Variants in WDR25 observed in about 807,000 individuals in gnomAD.
WDR25 encodes the protein WD repeat domain 25, also known as WD repeat-containing protein 25.
WDR25 carries 35 observed loss-of-function variants against 47.7 expected under a neutral mutation model. That is an observed-to-expected ratio of 0.73 (90% CI 0.56 to 0.97). The LOEUF is 0.97. WDR25 is among the 50% of genes least tolerant of loss of function. WDR25 has a pLI of 0.00. For synonymous variants in WDR25, 248 were observed against 278.9 expected (o/e 0.89, Z 1.10); for missense variants, 634 against 704.7 (o/e 0.90, Z 1.14).
At position 100,382,460 on chromosome 14, in the gene WDR25, CTGG is replaced by C. The variant is rs545826624; in HGVS notation, c.822+715_822+717del. 2.0e-5 allele frequency among the ~76,000 whole-genome samples: 3 copies of C among 152,268 alleles called. No homozygotes were observed. In the South Asian group the frequency reaches 6.2e-4, roughly 32 times the overall value. The stretch of plus-strand genomic sequence containing the variant: ...GCATGTGTGGGTGAGGGACTTGAGG[CTGG>C]GGAAGCAAGGTCAGGGAAGGTTGCA... On this transcript the variant is annotated intron_variant, in intron 2 of 6. Coordinates refer to ENST00000402312, the MANE Select transcript of WDR25 (RefSeq NM_001161476.3).
At chr14:100,485,901 C>T (rs376890386) in intron 4 of WDR25, among the ~76,000 whole-genome samples, 2 of 152,164 alleles carry the variant, frequency 1.3e-5, no homozygotes, top group East Asian at 3.9e-4. Flanking sequence ...TACATGAGAT[C>T]TTGCTTAAAG....
rs1898304637 is a variant in WDR25, at chr14:100,430,665, G to A, written c.823-37356G>A. ...ACACTGAGGCACAGTGGGAACCAGC[G>A]GCTGTTATAGGTGACCCAGTGAGGG... On this transcript the variant is annotated intron_variant, in intron 2 of 6. Transcript: ENST00000402312. The surrounding 1 kb of genome is among the most constrained non-coding windows in gnomAD (Gnocchi z 4.7). Among the ~76,000 whole-genome samples the A allele has an allele frequency of 2.6e-5, 4 of 152,210 alleles. No homozygotes were observed. The highest frequency in any genetic ancestry group is 4.1e-4 in the South Asian group (2 of 4,826).
chr14:100,404,378 A>G lies in WDR25; in HGVS notation c.822+22632A>G, dbSNP rs1281066692. ...ACCTGGGTTCTCATTTTCCTGTAGA[A>G]TCAGTGTTATTCATGGCAGTGAGGG... On this transcript the variant is annotated intron_variant, in intron 2 of 6. Transcript: ENST00000402312. The surrounding 1 kb of genome is among the most constrained non-coding windows in gnomAD (Gnocchi z 4.6). Among the ~76,000 whole-genome samples, 6 of 152,198 alleles carry G rather than the reference A, an allele frequency of 3.9e-5. No homozygotes were observed. The highest frequency in any genetic ancestry group is 2.6e-4 in the Admixed American group (4 of 15,286).
intron 2 of WDR25, among the ~76,000 whole-genome samples, chr14:100,395,650 C>G (rs1897241931): frequency 6.6e-6 from 1 of 152,214 alleles, no homozygotes. Context: ...TCTTAATGAG[C>G]TCGTCTGTAA....
chr14:100,436,836 G>A (rs1391771006), intron 2 of WDR25, among the ~76,000 whole-genome samples: 3 of 152,206 alleles, frequency 2.0e-5, no homozygotes, highest in South Asian at 2.1e-4. Flanking sequence ...GGGTACATGC[G>A]CACCCCAGAA....
intron 4 of WDR25, among the ~76,000 whole-genome samples, chr14:100,522,723 C>G (rs183197328): frequency 4.6e-5 from 7 of 152,188 alleles, no homozygotes; most frequent in Admixed American, 4.6e-4. Flanking sequence ...GAAGAACAGA[C>G]GGAAGTTACT....
At chr14:100,513,237 G>A (rs373552641) in intron 4 of WDR25, among the ~76,000 whole-genome samples, 2 of 152,284 alleles carry the variant, frequency 1.3e-5, no homozygotes, top group South Asian at 2.1e-4. Flanking sequence ...ATGGTATTAG[G>A]GGGTGGGGGC....
chr14:100,462,744 C>G (rs1595113825), intron 2 of WDR25, among the ~76,000 whole-genome samples: 1 of 152,112 alleles, frequency 6.6e-6, no homozygotes, highest in Admixed American at 6.5e-5. Context: ...GTAATTTCTT[C>G]TTTCTTGCAT....
chr14:100,476,057 TG>T (rs1436467162), intron 3 of WDR25, among the ~76,000 whole-genome samples: 10 of 152,268 alleles, frequency 6.6e-5, no homozygotes. Flanking sequence ...CTACAGCTAC[TG>T]TTTATTGGGC....
At chr14:100,509,197 G>C (rs182779771) in intron 4 of WDR25, among the ~76,000 whole-genome samples, 2 of 152,202 alleles carry the variant, frequency 1.3e-5, no homozygotes, top group East Asian at 1.9e-4. Context: ...AAGACATCTG[G>C]ACACAAGACT....
At chr14:100,383,687 C>G (rs907835529) in intron 2 of WDR25, among the ~76,000 whole-genome samples, 1 of 152,236 alleles carries the variant, frequency 6.6e-6, no homozygotes, top group Admixed American at 6.5e-5. Context: ...TAAACAGAAG[C>G]ATCCCCATGG....
intron 3 of WDR25, among the ~76,000 whole-genome samples, chr14:100,475,047 C>T (rs1459478018): frequency 2.0e-5 from 3 of 152,326 alleles, no homozygotes; most frequent in Admixed American, 6.5e-5. Flanking sequence ...AAATGCTCAA[C>T]ATCTGTAATC....
intron 4 of WDR25, among the ~76,000 whole-genome samples, chr14:100,491,407 G>A (rs1354179598): frequency 2.0e-5 from 3 of 152,216 alleles, no homozygotes; most frequent in African/African-American, 7.2e-5. Flanking sequence ...TGACGTTTCG[G>A]TCAATGTCAG....
intron 3 of WDR25, among the ~76,000 whole-genome samples, chr14:100,470,774 A>G (rs1595122591): frequency 6.6e-6 from 1 of 152,272 alleles, no homozygotes; most frequent in South Asian, 2.1e-4. Flanking sequence ...CGTTTGGAGA[A>G]CAGCTTGTCT....
intron 2 of WDR25, among the ~76,000 whole-genome samples, chr14:100,408,485 C>T (rs920089117): frequency 1.3e-5 from 2 of 152,286 alleles, no homozygotes; most frequent in East Asian, 1.9e-4. Flanking sequence ...GTCTGCAGCC[C>T]TCAGTGCTGT....
At chr14:100,510,458 G>A (rs890810732) in intron 4 of WDR25, among the ~76,000 whole-genome samples, 9 of 151,556 alleles carry the variant, frequency 5.9e-5, no homozygotes, top group East Asian at 2.0e-4. Context: ...TCTTTTGGCC[G>A]GGCACAGTGG....
intron 2 of WDR25, among the ~76,000 whole-genome samples, chr14:100,416,747 C>T (rs919718920): frequency 1.3e-5 from 2 of 152,184 alleles, no homozygotes; most frequent in Admixed American, 1.3e-4. Flanking sequence ...TGTCTTTGGG[C>T]TCACTGGGGA....
At chr14:100,454,313 G>A in intron 2 of WDR25, 1 of 1,211,556 alleles carries the variant, frequency 8.3e-7, no homozygotes, top group Middle Eastern at 3.5e-4. Context: ...AAGGCTGGGT[G>A]TGGAGAAGAT....
At chr14:100,496,665 T>C (rs994610926) in intron 4 of WDR25, among the ~76,000 whole-genome samples, 1 of 152,100 alleles carries the variant, frequency 6.6e-6, no homozygotes, top group African/African-American at 2.4e-5. Context: ...AGTTATAATA[T>C]ACTGGCTGTA....
Sources: gnomAD v4.1 joint callset for allele counts (sites outside exome capture counted in the v4.1 genomes callset) on GRCh38, gnomAD v4.1.1 for gene constraint, Gnocchi (gnomAD v3.1) non-coding constraint, MANE v1.5 for transcripts, NCBI Gene and HGNC (gene_info 2026-07-23, HGNC 2026-07-21) for gene names.